The following DOCK7 variants were observed in gnomAD, a reference collection of about 807,000 sequenced individuals.
The protein encoded by DOCK7 is dedicator of cytokinesis 7.
A neutral mutation model predicts 271.0 loss-of-function variants in DOCK7; 138 were observed. That is an observed-to-expected ratio of 0.51 (90% CI 0.44 to 0.59). DOCK7 has a LOEUF of 0.59. DOCK7 is among the 20% of genes least tolerant of loss of function. The pLI is 0.00. For synonymous variants in DOCK7, 823 were observed against 876.1 expected, an observed-to-expected ratio of 0.94 and a Z score of 1.07; for missense variants, 2,066 against 2,592.4, an observed-to-expected ratio of 0.80 and a Z score of 4.41.
chr1:62,540,915 T>C (rs1557688562), intron 25 of DOCK7, among the ~76,000 whole-genome samples: 1 of 152,182 alleles, frequency 6.6e-6, no homozygotes, highest in African/African-American at 2.4e-5. Flanking sequence ...AGGTTTATTT[T>C]CTAGGAAAAA....
chr1:62,525,288 C>T (rs1185125065), intron 31 of DOCK7, among the ~76,000 whole-genome samples: 8 of 152,070 alleles, frequency 5.3e-5, no homozygotes, highest in Non-Finnish European at 7.4e-5. Context: ...GGATTACAGG[C>T]GTGAGCCACC....
intron 14 of DOCK7, chr1:62,598,645 T>C (rs1318441546): frequency 3.1e-6 from 3 of 971,978 alleles, no homozygotes; most frequent in African/African-American, 3.2e-5. Context: ...AGGAAATTAA[T>C]AGAAAAGAAA....
rs555577505 is a variant in DOCK7, at chr1:62,519,395, A to G, written c.3937-5497T>C. On this transcript the variant is annotated intron_variant, in intron 31 of 49. Transcript: ENST00000635253. ...TAGTTTCCACAAACATAACAAACTG[A>G]TATCATACAGAGTTATGCTCTCTGA... 3.9e-5 allele frequency among the ~76,000 whole-genome samples: 6 copies of G among 152,300 alleles called. No individual in the cohort carries two copies. In the South Asian group the frequency reaches 1.2e-3, roughly 32 times the overall value.
intron 24 of DOCK7, among the ~76,000 whole-genome samples, 180 bp from the exon 25 acceptor site, chr1:62,542,883 T>C (rs959973577): frequency 2.0e-5 from 3 of 152,116 alleles, no homozygotes; most frequent in Non-Finnish European, 2.9e-5. Flanking sequence ...TGTAAGACAG[T>C]GGTATGTGGA....
intron 7 of DOCK7, 105 bp from the exon 8 acceptor site, chr1:62,636,708 T>C (rs1174843052): frequency 3.4e-6 from 3 of 893,842 alleles, no homozygotes; most frequent in Non-Finnish European, 5.2e-6. Context: ...GGCAGTTTTC[T>C]ACACCTGTGC....
intron 14 of DOCK7, among the ~76,000 whole-genome samples, chr1:62,594,512 T>C (rs1648931622): frequency 6.6e-6 from 1 of 152,070 alleles, no homozygotes; most frequent in Non-Finnish European, 1.5e-5. Flanking sequence ...TAGGATATAA[T>C]ATAGAAGGAA....
intron 18 of DOCK7, among the ~76,000 whole-genome samples, chr1:62,572,112 C>T (rs537764637): frequency 6.6e-6 from 1 of 152,260 alleles, no homozygotes; most frequent in African/African-American, 2.4e-5. Context: ...ATCAGCAGCA[C>T]AAACATTATC....
chr1:62,650,502 C>A (rs910672158), intron 4 of DOCK7, among the ~76,000 whole-genome samples: 1 of 152,076 alleles, frequency 6.6e-6, no homozygotes, highest in Non-Finnish European at 1.5e-5. Flanking sequence ...TCAGAGTGAA[C>A]AGGCAACCTA....
At chr1:62,658,054 T>C (rs1454624452) in intron 2 of DOCK7, among the ~76,000 whole-genome samples, 1 of 149,574 alleles carries the variant, frequency 6.7e-6, no homozygotes, top group Non-Finnish European at 1.5e-5. Context: ...GACATAAGCC[T>C]ACAGACTCAA....
At chr1:62,666,757 G>C (rs920895597) in intron 1 of DOCK7, among the ~76,000 whole-genome samples, 2 of 152,148 alleles carry the variant, frequency 1.3e-5, no homozygotes, top group Non-Finnish European at 2.9e-5. Flanking sequence ...AGAAAAACAA[G>C]GCAGTCTTTT....
chr1:62,684,655 T>A (rs1481943667), intron 1 of DOCK7, among the ~76,000 whole-genome samples: 5 of 152,134 alleles, frequency 3.3e-5, no homozygotes, highest in African/African-American at 1.2e-4. Context: ...CAGGACAAAA[T>A]AATCCCAACA....
intron 29 of DOCK7, among the ~76,000 whole-genome samples, chr1:62,529,894 T>C (rs951277007): frequency 6.6e-6 from 1 of 152,220 alleles, no homozygotes; most frequent in East Asian, 1.9e-4. Context: ...ACCTAATGGA[T>C]TATGTAGCCC....
intron 1 of DOCK7, among the ~76,000 whole-genome samples, chr1:62,683,589 T>C (rs921512555): frequency 2.6e-5 from 4 of 152,200 alleles, no homozygotes; most frequent in Non-Finnish European, 4.4e-5. Flanking sequence ...GCAGTGACAC[T>C]GTTAGGAAAC....
At chr1:62,556,014 CCTTTG>C in intron 20 of DOCK7, 25 bp from the exon 21 acceptor site, 1 of 1,606,584 alleles carries the variant, frequency 6.2e-7, no homozygotes, top group Non-Finnish European at 8.5e-7. Flanking sequence ...GAAGTATTTA[CCTTTG>C]CTTTAACTTT....
In DOCK7 at chr1:62,609,212, A is replaced by G. The variant is rs572977630; in HGVS notation, c.1682+9494T>C. On this transcript the variant is annotated intron_variant, in intron 14 of 49. Coordinates refer to ENST00000635253, the MANE Select transcript of DOCK7 (RefSeq NM_001367561.1). ...ATGAAAGTAGCACTAACAATCCTCT[A>G]TTATAACCCTTAATAAAATGAGGTT... 2.6e-5 allele frequency: 4 copies of G among 152,334 alleles called. No homozygotes were observed. The South Asian group carries it at 6.2e-4, about 24-fold the overall frequency. The allele number at this position is 152,334 out of a possible 1,614,324, so 9.4% of individuals were successfully genotyped here.
At chr1:62,631,509 A>ATCTCT in intron 10 of DOCK7, 104 bp from the exon 11 acceptor site, 1 of 1,017,404 alleles carries the variant, frequency 9.8e-7, no homozygotes, top group Non-Finnish European at 1.4e-6. Flanking sequence ...CTCAATTCTC[A>ATCTCT]GCAGAGATGA....
intron 43 of DOCK7, chr1:62,485,640 T>C (rs373349346): frequency 2.0e-6 from 2 of 985,142 alleles, no homozygotes; most frequent in East Asian, 1.1e-4. Flanking sequence ...AAGAAAAATA[T>C]ACACAAGATA....
chr1:62,553,846 C>T (rs906350878), intron 21 of DOCK7, among the ~76,000 whole-genome samples: 12 of 122,370 alleles, frequency 9.8e-5, no homozygotes, highest in African/African-American at 3.1e-4. Flanking sequence ...CGTGTGCGTG[C>T]GTGCGCGCAC....
chr1:62,588,093 C>T (rs1647837106), intron 14 of DOCK7, among the ~76,000 whole-genome samples: 1 of 152,044 alleles, frequency 6.6e-6, no homozygotes, highest in Admixed American at 6.6e-5. Context: ...ATATAAAAGG[C>T]AAATACAGAA....
Sources: allele counts gnomAD v4.1 joint callset (sites outside exome capture counted in the v4.1 genomes callset), GRCh38; gene constraint gnomAD v4.1.1; transcripts MANE v1.5; gene names NCBI Gene and HGNC (gene_info 2026-07-23, HGNC 2026-07-21).